The following TENM1 variants were observed in gnomAD, a reference collection of about 807,000 sequenced individuals.
The protein encoded by TENM1 is teneurin-1.
In TENM1, 35 loss-of-function variants were observed where a neutral mutation model predicts 174.8. That is an observed-to-expected ratio of 0.20 (90% CI 0.15 to 0.27). TENM1 has a LOEUF of 0.27. Among genes scored for constraint, TENM1 ranks in the 10% least tolerant of loss-of-function variants. The pLI is 1.00. For synonymous variants in TENM1, 781 were observed against 798.7 expected (o/e 0.98, Z 0.37); for missense variants, 1,633 against 2,130.1 (o/e 0.77, Z 4.59).
chrX:124,411,420 T>C (rs1314597577), intron 25 of TENM1, among the ~76,000 whole-genome samples: 1 of 111,281 alleles, frequency 9.0e-6, no homozygotes, highest in Non-Finnish European at 1.9e-5. Flanking sequence ...ATATTTCCCA[T>C]GGGTCTGTCC....
chrX:124,450,186 C>T (rs376027997), intron 23 of TENM1, among the ~76,000 whole-genome samples: 3 of 109,796 alleles, frequency 2.7e-5, no homozygotes, highest in African/African-American at 1.0e-4. Context: ...AGTGAAACCC[C>T]GTCTCTACTA....
At chrX:124,384,474 T>C in exon 30 of TENM1, 1 of 1,210,330 alleles carries the variant, frequency 8.3e-7, no homozygotes, top group Non-Finnish European at 1.1e-6. Flanking sequence ...TACCTTGTTA[T>C]ATTGGCATCT....
At chrX:125,057,426 G>GA in the TENM1 span, among the ~76,000 whole-genome samples, 2 of 110,438 alleles carry the variant, frequency 1.8e-5, no homozygotes, top group African/African-American at 6.5e-5. Context: ...AGTAAAGAAG[G>GA]AAAAATATGA....
intron 11 of TENM1, among the ~76,000 whole-genome samples, chrX:124,601,353 G>T (rs933432602): frequency 9.0e-6 from 1 of 111,091 alleles, no homozygotes; most frequent in African/African-American, 3.3e-5. Flanking sequence ...GTGGGATCCA[G>T]AGCACTGGTG....
At chrX:124,610,371 A>C (rs769016967) in intron 11 of TENM1, among the ~76,000 whole-genome samples, 1 of 112,252 alleles carries the variant, frequency 8.9e-6, no homozygotes, top group Non-Finnish European at 1.9e-5. Flanking sequence ...CGAAGTCACT[A>C]AAGGAGGAAC....
chrX:124,671,925 G>T, intron 5 of TENM1, 90 bp from the exon 9 acceptor site: 2 of 1,013,844 alleles, frequency 2.0e-6, no homozygotes, highest in Non-Finnish European at 2.7e-6. Flanking sequence ...AAAATGTTAC[G>T]AACAGTTTTC....
intron 4 of TENM1, among the ~76,000 whole-genome samples, chrX:124,717,985 G>A (rs187544909): frequency 1.8e-5 from 2 of 112,320 alleles, no homozygotes; most frequent in Admixed American, 9.4e-5. Flanking sequence ...TATAAGGTCC[G>A]TCATGACCTG....
intron 27 of TENM1, among the ~76,000 whole-genome samples, 166 bp from the exon 31 acceptor site, chrX:124,392,514 C>T (rs2060293386): frequency 1.8e-5 from 2 of 111,915 alleles, no homozygotes; most frequent in Non-Finnish European, 1.9e-5. Flanking sequence ...TATTCCTCTA[C>T]CACATTGTAC....
intron 11 of TENM1, among the ~76,000 whole-genome samples, chrX:124,576,083 G>A (rs181046457): frequency 5.4e-4 from 59 of 109,685 alleles, no homozygotes; most frequent in Non-Finnish European, 9.1e-4. Flanking sequence ...TTTTTGAGAC[G>A]GAGTCGCACT....
At chrX:124,966,978 C>T (rs58066938), upstream of TENM1, among the ~76,000 whole-genome samples, 9,792 of 111,206 alleles carry the variant, frequency 0.088, 1,012 homozygotes, top group African/African-American at 0.3. Context: ...GACATAGTCT[C>T]GGCCCCTGAG....
At chrX:124,520,232 CA>C (rs1222051552) in intron 18 of TENM1, among the ~76,000 whole-genome samples, 1 of 111,513 alleles carries the variant, frequency 9.0e-6, no homozygotes, top group Non-Finnish European at 1.9e-5. Flanking sequence ...CCAAAGGTCA[CA>C]TTTAGAAGGC....
intron 5 of TENM1, among the ~76,000 whole-genome samples, chrX:124,674,380 A>G (rs2052009088): frequency 9.3e-6 from 1 of 107,946 alleles, no homozygotes; most frequent in African/African-American, 3.4e-5. Flanking sequence ...TCCTAGGTGA[A>G]CTGAAAGGGG....
At chrX:124,506,076 G>A (rs978682250) in intron 18 of TENM1, among the ~76,000 whole-genome samples, 5 of 111,605 alleles carry the variant, frequency 4.5e-5, no homozygotes, top group South Asian at 3.8e-4. Context: ...TAATCACAAC[G>A]ACAATAATTA....
At chrX:124,385,575 A>C in intron 29 of TENM1, 102 bp downstream of exon 32, 1 of 784,786 alleles carries the variant, frequency 1.3e-6, no homozygotes, top group Middle Eastern at 4.7e-4. Flanking sequence ...AGTTGGGTTG[A>C]ATGTGTGTAG....
the TENM1 span, among the ~76,000 whole-genome samples, chrX:125,011,170 A>G: frequency 8.9e-6 from 1 of 111,904 alleles, no homozygotes; most frequent in Non-Finnish European, 1.9e-5. Flanking sequence ...TACCCCTTAT[A>G]CAAAGATTAA....
At chrX:124,485,109 T>C (rs764991863) in intron 21 of TENM1, among the ~76,000 whole-genome samples, 26 of 112,028 alleles carry the variant, frequency 2.3e-4, no homozygotes, top group African/African-American at 6.5e-4. Context: ...TTTGTAATTA[T>C]ATTTGCCCTC....
chrX:125,116,182 C>A, the TENM1 span, among the ~76,000 whole-genome samples: 1 of 112,015 alleles, frequency 8.9e-6, no homozygotes, highest in Non-Finnish European at 1.9e-5. Context: ...ATTGGCTAGC[C>A]ATAGGCAGAA....
At chrX:124,588,977 A>C (rs1176623299) in intron 11 of TENM1, among the ~76,000 whole-genome samples, 1 of 110,863 alleles carries the variant, frequency 9.0e-6, no homozygotes, top group African/African-American at 3.3e-5. Context: ...GTCTTGTTAC[A>C]GTCCTCAAGG....
chrX:124,885,392 T>C (rs1423238167), intron 3 of TENM1, among the ~76,000 whole-genome samples: 1 of 111,097 alleles, frequency 9.0e-6, no homozygotes, highest in Admixed American at 9.6e-5. Context: ...CTATCTTTGA[T>C]TACAAAGATG....
Sources: gnomAD v4.1 joint callset for allele counts (sites outside exome capture counted in the v4.1 genomes callset) on GRCh38, gnomAD v4.1.1 for gene constraint, MANE v1.5 for transcripts, NCBI Gene and HGNC (gene_info 2026-07-23, HGNC 2026-07-21) for gene names.